The following TSNARE1 variants were observed in gnomAD, a reference collection of about 807,000 sequenced individuals.
TSNARE1 encodes the protein t-SNARE domain-containing protein 1.
TSNARE1 carries 49 observed loss-of-function variants against 62.0 expected under a neutral mutation model. That is an observed-to-expected ratio of 0.79 (90% confidence interval 0.63 to 1.00). The LOEUF (loss-of-function observed/expected upper bound fraction) is 1.00, where lower values mean the gene tolerates loss of function less well. Ranked by LOEUF, TSNARE1 falls within the 50% of genes least tolerant of loss-of-function variation. TSNARE1 has a pLI of 0.00. For missense variants in TSNARE1, 755 were observed against 700.1 expected, an observed-to-expected ratio of 1.08 and a Z score of -0.88; for synonymous variants, 328 against 294.4, an observed-to-expected ratio of 1.11 and a Z score of -1.17.
chr8:142,332,264 C>T (rs1363515189), intron 4 of TSNARE1, among the ~76,000 whole-genome samples: 5 of 152,288 alleles, frequency 3.3e-5, no homozygotes, highest in African/African-American at 7.2e-5. Flanking sequence ...CACTGGTTTC[C>T]GCACAATGCA....
intron 13 of TSNARE1, among the ~76,000 whole-genome samples, chr8:142,220,668 C>T (rs1009499220): frequency 6.6e-6 from 1 of 152,228 alleles, no homozygotes; most frequent in Non-Finnish European, 1.5e-5. Context: ...TGAAAGGCGC[C>T]ACTATGGTCA....
intron 10 of TSNARE1, among the ~76,000 whole-genome samples, chr8:142,286,592 T>C (rs1431933507): frequency 6.6e-6 from 1 of 152,016 alleles, no homozygotes; most frequent in Non-Finnish European, 1.5e-5. Flanking sequence ...AAAGGATGGG[T>C]GCGGGTTGGC....
At chr8:142,281,744 C>T (rs1328811365) in intron 11 of TSNARE1, among the ~76,000 whole-genome samples, 1 of 151,926 alleles carries the variant, frequency 6.6e-6, no homozygotes, top group Admixed American at 6.6e-5. Context: ...CGGGTGGGGG[C>T]GCTGGGGAGT....
chr8:142,379,774 G>C (rs1836600441), intron 1 of TSNARE1, among the ~76,000 whole-genome samples: 1 of 152,194 alleles, frequency 6.6e-6, no homozygotes, highest in Admixed American at 6.5e-5. Context: ...GGCTGCCTCA[G>C]CCTCCAGGGC....
chr8:142,398,817 G>T (rs1429544971), intron 1 of TSNARE1, among the ~76,000 whole-genome samples: 5 of 152,178 alleles, frequency 3.3e-5, no homozygotes, highest in Admixed American at 6.5e-5. Context: ...CTGCTTGCCT[G>T]CAGTGGCCCC....
At chr8:142,273,923 C>T (rs942168596) in intron 12 of TSNARE1, 7 of 985,042 alleles carry the variant, frequency 7.1e-6, no homozygotes, top group African/African-American at 3.5e-5. Flanking sequence ...GTCCTGGGCT[C>T]GTCTGGCTGC....
intron 13 of TSNARE1, among the ~76,000 whole-genome samples, chr8:142,225,670 C>T (rs1816738142): frequency 6.6e-6 from 1 of 152,222 alleles, no homozygotes; most frequent in Admixed American, 6.5e-5. Flanking sequence ...GGCCCATCTC[C>T]TCTGCAGTCT....
chr8:142,363,992 T>C (rs1835349470), intron 1 of TSNARE1, among the ~76,000 whole-genome samples: 1 of 152,180 alleles, frequency 6.6e-6, no homozygotes, highest in Non-Finnish European at 1.5e-5. Context: ...GAGTCACCTG[T>C]ACCAGGAATT....
chr8:142,300,419 G>A, intron 10 of TSNARE1, 67 bp downstream of exon 10: 1 of 1,521,296 alleles, frequency 6.6e-7, no homozygotes, highest in South Asian at 1.2e-5. Flanking sequence ...CTGGCACCTG[G>A]GCTCCTCTGG....
chr8:142,381,350 C>T (rs1425756889), intron 1 of TSNARE1, among the ~76,000 whole-genome samples: 2 of 152,216 alleles, frequency 1.3e-5, no homozygotes, highest in African/African-American at 2.4e-5. Flanking sequence ...ACCCCACGGC[C>T]GGGCAGCAGG....
intron 4 of TSNARE1, among the ~76,000 whole-genome samples, 187 bp downstream of exon 4, chr8:142,343,779 A>AGGAGGAGGAGGT (rs1375265334): frequency 2.0e-5 from 1 of 49,262 alleles, no homozygotes; most frequent in Non-Finnish European, 3.1e-5. Flanking sequence ...GAAGAGGAGG[A>AGGAGGAGGAGGT]GGAGGAGGAG....
chr8:142,268,626 CG>C (rs1554632980), intron 12 of TSNARE1, among the ~76,000 whole-genome samples: 1 of 152,174 alleles, frequency 6.6e-6, no homozygotes, highest in Non-Finnish European at 1.5e-5. Context: ...GGGCTGAAGC[CG>C]TGTTTTCCAG....
chr8:142,288,504 G>A (rs555243819), intron 10 of TSNARE1, among the ~76,000 whole-genome samples: 2 of 152,220 alleles, frequency 1.3e-5, no homozygotes, highest in Non-Finnish European at 2.9e-5. Context: ...ACCACTGCCT[G>A]GCTTCACAGA....
rs1402281596 is a variant in TSNARE1 at position 142,273,127 on chromosome 8, C to T, written c.1446+1654G>A. 8.1e-6 allele frequency: 8 copies of T among 985,298 alleles called. No homozygotes were observed. In the East Asian group the frequency reaches 3.4e-4, roughly 42 times the overall value. The allele number at this position is 985,298 out of a possible 1,614,324, so 61.0% of individuals were successfully genotyped here. A position where few individuals can be genotyped will look rare whatever the true frequency, so the allele number is the denominator to read the frequency against. The stretch of plus-strand genomic sequence containing the variant: ...TGAGCCCACAGGCTCACTGGGAATG[C>T]GGCACGGCGTCCATGGCACAGGTGG... On this transcript the variant is annotated intron_variant, in intron 12 of 13. Transcript: ENST00000524325.
At chr8:142,310,060 A>G (rs1453816175) in intron 9 of TSNARE1, among the ~76,000 whole-genome samples, 1 of 151,942 alleles carries the variant, frequency 6.6e-6, no homozygotes, top group Non-Finnish European at 1.5e-5. Flanking sequence ...ACTGGTAATG[A>G]TCTATCCATT....
intron 12 of TSNARE1, chr8:142,270,518 C>CAT (rs55865365): frequency 0.39 from 380,305 of 964,424 alleles, 78,242 homozygotes; most frequent in African/African-American, 0.62. Context: ...GTATTTATAA[C>CAT]AGAAAATTGG....
chr8:142,302,610 A>C (rs1162026667), intron 9 of TSNARE1, among the ~76,000 whole-genome samples: 1 of 151,990 alleles, frequency 6.6e-6, no homozygotes, highest in Non-Finnish European at 1.5e-5. Context: ...GTCCTCTCCC[A>C]GGTCTGGGAA....
intron 11 of TSNARE1, 85 bp from the exon 12 acceptor site, chr8:142,274,948 G>A (rs1031024643): frequency 2.8e-6 from 4 of 1,407,088 alleles, no homozygotes; most frequent in Non-Finnish European, 3.7e-6. Context: ...GCAAGCCCAG[G>A]GAGCCTGAGC....
intron 9 of TSNARE1, among the ~76,000 whole-genome samples, chr8:142,313,119 T>C (rs1409147302): frequency 1.3e-5 from 2 of 152,094 alleles, no homozygotes; most frequent in Non-Finnish European, 1.5e-5. Context: ...TGTTTATCCG[T>C]GTGTCTGCAT....
Sources: allele counts gnomAD v4.1 joint callset (sites outside exome capture counted in the v4.1 genomes callset), GRCh38; gene constraint gnomAD v4.1.1; transcripts MANE v1.5; gene names NCBI Gene and HGNC (gene_info 2026-07-23, HGNC 2026-07-21).